The following EEA1 variants were observed in gnomAD, a reference collection of about 807,000 sequenced individuals.
The protein encoded by EEA1 is early endosome antigen 1, also known as early endosome antigen 1, 162kD.
Under a neutral mutation model 209.2 loss-of-function variants are expected in EEA1, and 111 were observed. The observed-to-expected ratio is 0.53, with a 90% confidence interval of 0.45 to 0.62. The LOEUF is 0.62. Among genes scored for constraint, EEA1 ranks in the 20% least tolerant of loss-of-function variants. The probability of loss-of-function intolerance (pLI) is 0.00; values close to 1 mark genes in which losing one functional copy is unlikely to be tolerated. For missense variants in EEA1, 1,343 were observed against 1,530.8 expected, an observed-to-expected ratio of 0.88 and a Z score of 2.05; for synonymous variants, 536 against 540.6, an observed-to-expected ratio of 0.99 and a Z score of 0.12.
rs142043729 is a variant in EEA1 at position 92,884,341 on chromosome 12, C to T, written c.117+7288G>A. ...AGCAAGAGATGGCTAGGGCTTTATC[C>T]AGCCAAAGAGGCTGAAGTGGTTCTA... On this transcript the variant is annotated intron_variant, in intron 2 of 28. Coordinates refer to ENST00000322349, the MANE Select transcript of EEA1 (RefSeq NM_003566.4). 1.4e-3 allele frequency: 1,727 copies of T among 1,272,444 alleles called. 3 individuals carry two copies. The highest frequency in any genetic ancestry group is 1.8e-3 in the Non-Finnish European group (1,576 of 885,222). The allele number at this position is 1,272,444 out of a possible 1,614,324, so 78.8% of individuals were successfully genotyped here.
intron 1 of EEA1, among the ~76,000 whole-genome samples, chr12:92,907,818 T>C (rs376043138): frequency 2.0e-5 from 3 of 152,206 alleles, no homozygotes; most frequent in African/African-American, 7.2e-5. Context: ...CTAAATGAAC[T>C]ATTAACCAGG....
Position 92,788,068 on chromosome 12 carries a change from A to C in EEA1, c.2968-19T>G, listed in dbSNP as rs1474506000. On this transcript the variant is annotated intron_variant, in intron 21 of 28. Coordinates refer to ENST00000322349, the MANE Select transcript of EEA1 (RefSeq NM_003566.4). ...GCTCTGTCTGAAACATACAATAGTT[A>C]TTTAAAACAGTATGCATTCCAAAAA... is the stretch of plus-strand genomic sequence containing the variant. The C allele has an allele frequency of 6.6e-7, 1 of 1,519,034 alleles. No individual in the cohort carries two copies. The highest frequency in any genetic ancestry group is 8.8e-7 in the Non-Finnish European group (1 of 1,137,794). 94.1% of individuals were successfully genotyped at this position (1,519,034 alleles called of 1,614,324 possible).
chr12:92,929,280 G>C lies in EEA1; in HGVS notation c.-214C>G. ...GAGAGAGCGAGCGAACGACTAGGCAGCCTGCGAGCGCCTCCAGCCCGCCCG... is the reference window on the plus strand; with the variant it reads ...GAGAGAGCGAGCGAACGACTAGGCACCCTGCGAGCGCCTCCAGCCCGCCCG... On this transcript the variant is annotated 5_prime_UTR_variant, in exon 1 of 29. Coordinates refer to ENST00000322349, the MANE Select transcript of EEA1 (RefSeq NM_003566.4). The C allele has an allele frequency of 2.6e-6, 1 of 384,802 alleles. No homozygotes were observed. Among genetic ancestry groups the C allele is most frequent in the Non-Finnish European group, 4.6e-6 (1 of 215,500 alleles). 23.8% of individuals were successfully genotyped at this position (384,802 alleles called of 1,614,324 possible).
At chr12:92,912,823 T>C (rs1192368822) in intron 1 of EEA1, among the ~76,000 whole-genome samples, 1 of 152,220 alleles carries the variant, frequency 6.6e-6, no homozygotes, top group Non-Finnish European at 1.5e-5. Context: ...GTGATTTCAC[T>C]TAGGATAACG....
At chr12:92,901,919 A>T (rs886471083) in intron 1 of EEA1, among the ~76,000 whole-genome samples, 1 of 152,174 alleles carries the variant, frequency 6.6e-6, no homozygotes, top group African/African-American at 2.4e-5. Flanking sequence ...TTTCAAGGAG[A>T]AGCCCAAAAA....
intron 13 of EEA1, among the ~76,000 whole-genome samples, chr12:92,825,590 A>C (rs2136686379): frequency 6.6e-6 from 1 of 152,242 alleles, no homozygotes; most frequent in East Asian, 1.9e-4. Context: ...ACTTTGTATA[A>C]ATTTAACCCA....
chr12:92,904,440 T>C (rs1055040154), intron 1 of EEA1, among the ~76,000 whole-genome samples: 1 of 152,170 alleles, frequency 6.6e-6, no homozygotes, highest in Non-Finnish European at 1.5e-5. Flanking sequence ...ATGTTTGAGT[T>C]TTCCACACCA....
chr12:92,852,934 G>C lies in EEA1; in HGVS notation c.498C>G (p.Ala166=). 6.2e-7 allele frequency: 1 copy of C among 1,609,876 alleles called. No homozygotes were observed. Among genetic ancestry groups the C allele is most frequent in the Non-Finnish European group, 8.5e-7 (1 of 1,178,424 alleles). Residue 166 remains alanine (A), a synonymous_variant, in exon 7 of 29, where the codon GCC becomes GCG. Coordinates refer to ENST00000322349, the MANE Select transcript of EEA1 (RefSeq NM_003566.4). ...TACCTGCAATTTCAGTAGCAAGTTG[G>C]GCTGCTTTCTGTTCAAATAAGTCTT... ...QMKDLFEQKA[A]QLATEIADIK... is the part of the protein sequence containing the mutation.
rs1250499094 is a variant in EEA1 at position 92,775,929 on chromosome 12, A to G, written c.*82T>C. 34 of 1,465,864 alleles carry G rather than the reference A, an allele frequency of 2.3e-5. No individual in the cohort carries two copies. The highest frequency in any genetic ancestry group is 3.1e-5 in the Non-Finnish European group (34 of 1,094,066). The allele number at this position is 1,465,864 out of a possible 1,614,324, so 90.8% of individuals were successfully genotyped here. ...GTATTGCAACCAGTGTCCAAACCAA[A>G]TAGTAGTCCAAGACCTCTATTAAGT... On this transcript the variant is annotated 3_prime_UTR_variant, in exon 29 of 29. Transcript: ENST00000322349.
chr12:92,893,412 T>C (rs1230929888), intron 1 of EEA1, among the ~76,000 whole-genome samples: 2 of 152,162 alleles, frequency 1.3e-5, no homozygotes, highest in Non-Finnish European at 2.9e-5. Flanking sequence ...CACTAACCAA[T>C]ACTGCTTCTC....
In EEA1 at chr12:92,811,321, G is replaced by C; in HGVS notation, c.2157C>G (p.Leu719=). The C allele has an allele frequency of 1.3e-6, 2 of 1,592,880 alleles. No individual in the cohort carries two copies. Among genetic ancestry groups the C allele is most frequent in the Non-Finnish European group, 1.7e-6 (2 of 1,171,130 alleles). ...GCTCTTCGGTTTTCTGTTCTAAAGA[G>C]AGGTATTTCTCTTTATATTCTTTAA... ...SHLKEYKEKY[L]SLEQKTEELE... The change falls in exon 17 of 29, where the codon CTC becomes CTG. Residue 719 remains leucine (L), a synonymous_variant. Transcript: ENST00000322349.
At chr12:92,874,261 C>T (rs575431380) in intron 2 of EEA1, among the ~76,000 whole-genome samples, 14 of 151,948 alleles carry the variant, frequency 9.2e-5, no homozygotes, top group East Asian at 3.9e-4. Flanking sequence ...GTCCGGGCTG[C>T]GGTAGCCATG....
At chr12:92,890,113 G>A (rs558214915) in intron 2 of EEA1, among the ~76,000 whole-genome samples, 2 of 152,210 alleles carry the variant, frequency 1.3e-5, no homozygotes, top group African/African-American at 4.8e-5. Context: ...CCTGAAGACG[G>A]GATTTCAAGT....
intron 1 of EEA1, among the ~76,000 whole-genome samples, 197 bp downstream of exon 1, chr12:92,928,846 C>A (rs1230434556): frequency 6.6e-6 from 1 of 150,764 alleles, no homozygotes; most frequent in Admixed American, 6.6e-5. Flanking sequence ...GCCACCAGGG[C>A]TCTGCCTGCC....
intron 1 of EEA1, among the ~76,000 whole-genome samples, chr12:92,908,099 A>C (rs534712530): frequency 6.6e-6 from 1 of 152,386 alleles, no homozygotes; most frequent in South Asian, 2.1e-4. Flanking sequence ...GGATGAATGG[A>C]TAAACAAAAG....
intron 18 of EEA1, among the ~76,000 whole-genome samples, chr12:92,807,146 G>A (rs960326222): frequency 5.3e-5 from 8 of 151,960 alleles, no homozygotes; most frequent in African/African-American, 1.5e-4. Flanking sequence ...TGGAGACGAG[G>A]TTTCACCCTG....
chr12:92,926,965 A>G (rs1368719909), intron 1 of EEA1, among the ~76,000 whole-genome samples: 1 of 152,176 alleles, frequency 6.6e-6, no homozygotes, highest in Admixed American at 6.5e-5. Context: ...GGGAGGACCC[A>G]CAGCTTAATC....
At chr12:92,778,582 T>C (rs1012508326) in intron 25 of EEA1, among the ~76,000 whole-genome samples, 2 of 152,070 alleles carry the variant, frequency 1.3e-5, no homozygotes, top group South Asian at 2.1e-4. Context: ...AACCTTCAAA[T>C]GACTGTTTGA....
chr12:92,794,828 T>C (rs1193555044), intron 21 of EEA1, among the ~76,000 whole-genome samples: 3 of 152,022 alleles, frequency 2.0e-5, no homozygotes, highest in Non-Finnish European at 2.9e-5. Flanking sequence ...CATGTATACC[T>C]ATGTATCAAA....
Sources: gnomAD v4.1 joint callset for allele counts (sites outside exome capture counted in the v4.1 genomes callset) on GRCh38, gnomAD v4.1.1 for gene constraint, MANE v1.5 for transcripts, NCBI Gene and HGNC (gene_info 2026-07-23, HGNC 2026-07-21) for gene names.